Variants in AIMP1 observed in about 807,000 individuals in gnomAD.
AIMP1 encodes aminoacyl tRNA synthetase complex interacting multifunctional protein 1.
In AIMP1, 24 loss-of-function variants were observed where a neutral mutation model predicts 33.1. That is an observed-to-expected ratio of 0.73 (90% CI 0.53 to 1.02). The LOEUF (loss-of-function observed/expected upper bound fraction) is 1.02. AIMP1 is among the 50% of genes least tolerant of loss of function. The pLI is 0.00. For missense variants in AIMP1, 367 were observed against 364.8 expected, an observed-to-expected ratio of 1.01 and a Z score of -0.05; for synonymous variants, 120 against 121.5, an observed-to-expected ratio of 0.99 and a Z score of 0.08.
rs748432118 is a variant in AIMP1, at chr4:106,348,932, T to G, written c.*1240T>G. On this transcript the variant is annotated 3_prime_UTR_variant, in exon 7 of 7. Transcript: ENST00000672341. ...AAAACATTTTAGCATTATAGCTGTC[T>G]GAATCCTTCAATAAGAAGGAGAGGC... The G allele has an allele frequency of 1.3e-5, 2 of 152,072 alleles. No homozygotes were observed. The highest frequency in any genetic ancestry group is 6.6e-5 in the Admixed American group (1 of 15,250). The allele number at this position is 152,072 out of a possible 1,614,324, so 9.4% of individuals were successfully genotyped here.
chr4:106,344,177 G>C (rs1770205587), intron 6 of AIMP1, among the ~76,000 whole-genome samples: 1 of 152,124 alleles, frequency 6.6e-6, no homozygotes, highest in Admixed American at 6.5e-5. Flanking sequence ...TACCTCCTTA[G>C]ATTCTTACTG....
intron 6 of AIMP1, among the ~76,000 whole-genome samples, chr4:106,344,656 A>G (rs1382855394): frequency 6.6e-6 from 1 of 152,164 alleles, no homozygotes; most frequent in Admixed American, 6.6e-5. Flanking sequence ...GCTCAAAACT[A>G]TTCAGAAGCT....
Position 106,328,071 on chromosome 4 carries a change from C to G in AIMP1, c.224-5C>G, listed in dbSNP as rs747471910. 2 of 1,610,326 alleles carry G rather than the reference C, an allele frequency of 1.2e-6. No homozygotes were observed. The highest frequency in any genetic ancestry group is 1.1e-5 in the South Asian group (1 of 90,968). ...TGAATGACATTATTTCATTTTCTGT[C>G]TCAGTGAAGCAAATACCATTTCCAT... is the stretch of plus-strand genomic sequence containing the variant. On this transcript the variant is annotated splice_polypyrimidine_tract_variant and splice_region_variant and intron_variant, in intron 3 of 6. Transcript: ENST00000672341.
chr4:106,340,900 C>T (rs1362924459), intron 6 of AIMP1, among the ~76,000 whole-genome samples: 1 of 152,100 alleles, frequency 6.6e-6, no homozygotes, highest in Non-Finnish European at 1.5e-5. Flanking sequence ...ATTTGCATTC[C>T]CTTTTCTCTT....
chr4:106,332,006 G>A (rs1238583633), intron 5 of AIMP1, 123 bp downstream of exon 5: 4 of 947,982 alleles, frequency 4.2e-6, no homozygotes, highest in East Asian at 5.0e-5. Flanking sequence ...TAGTTCAGTC[G>A]ATTAGTTTGA....
rs989357884 is a variant in AIMP1 at position 106,345,524 on chromosome 4, C to G, written c.773-2002C>G. Among the ~76,000 whole-genome samples the G allele has an allele frequency of 8.6e-5, 13 of 152,026 alleles. 1 individual carries two copies. Among genetic ancestry groups the G allele is most frequent in the African/African-American group, 3.1e-4 (13 of 41,508 alleles). ...TATTTATGGTTATTTTTTTTCCATT[C>G]TATTTATTAGTTTCTCTATTGTCGA... On this transcript the variant is annotated intron_variant, in intron 6 of 6. Transcript: ENST00000672341.
At chr4:106,345,557 G>A (rs747317958) in intron 6 of AIMP1, among the ~76,000 whole-genome samples, 15 of 151,994 alleles carry the variant, frequency 9.9e-5, no homozygotes, top group African/African-American at 2.4e-4. Flanking sequence ...CGAATCAAAC[G>A]TCCTTAAAGG....
At chr4:106,332,435 A>G (rs1174756696) in intron 5 of AIMP1, among the ~76,000 whole-genome samples, 1 of 151,762 alleles carries the variant, frequency 6.6e-6, no homozygotes, top group Non-Finnish European at 1.5e-5. Context: ...TCCATGATGA[A>G]GCAGTGATAA....
rs1770363599 is a variant in AIMP1 at position 106,347,843 on chromosome 4, A to G, written c.*151A>G. The G allele has an allele frequency of 1.4e-6, 1 of 735,546 alleles. No homozygotes were observed. The highest frequency in any genetic ancestry group is 3.0e-5 in the East Asian group (1 of 32,846). 45.6% of individuals were successfully genotyped at this position (735,546 alleles called of 1,614,324 possible). A position where few individuals can be genotyped will look rare whatever the true frequency, so the allele number is the denominator to read the frequency against. Reference sequence around the variant, plus strand: ...CATTTACTTGGTATATATTGTTTTCATTGATTGGGGAAACACTAGATTTTT... The same window carrying G: ...CATTTACTTGGTATATATTGTTTTCGTTGATTGGGGAAACACTAGATTTTT... On this transcript the variant is annotated 3_prime_UTR_variant, in exon 7 of 7. Coordinates refer to ENST00000672341, the MANE Select transcript of AIMP1 (RefSeq NM_001142416.2).
At chr4:106,331,910 T>A in intron 5 of AIMP1, 27 bp downstream of exon 5, 2 of 1,593,986 alleles carry the variant, frequency 1.3e-6, no homozygotes, top group Non-Finnish European at 1.7e-6. Context: ...AAATTCCTGT[T>A]GTGTACATAC....
At position 106,349,414 on chromosome 4, in the gene AIMP1, A is replaced by G. The variant is rs1420976354; in HGVS notation, c.*1722A>G. On this transcript the variant is annotated 3_prime_UTR_variant, in exon 7 of 7. Coordinates refer to ENST00000672341, the MANE Select transcript of AIMP1 (RefSeq NM_001142416.2). The stretch of plus-strand genomic sequence containing the variant: ...AACTGATGATTAAATCGTTCATCAA[A>G]CCTAGAGATAATAAAAACTATTGGT... Among the ~76,000 whole-genome samples the G allele has an allele frequency of 1.3e-5, 2 of 152,062 alleles. No individual in the cohort carries two copies. The highest frequency in any genetic ancestry group is 6.6e-5 in the Admixed American group (1 of 15,248).
At chr4:106,345,794 A>G (rs1032206683) in intron 6 of AIMP1, among the ~76,000 whole-genome samples, 1 of 150,678 alleles carries the variant, frequency 6.6e-6, no homozygotes, top group Non-Finnish European at 1.5e-5. Context: ...TTATATGTAT[A>G]TGACTGGAAA....
intron 4 of AIMP1, 126 bp downstream of exon 4, chr4:106,328,369 G>A: frequency 8.4e-7 from 1 of 1,188,440 alleles, no homozygotes. Context: ...ATAAAATTAG[G>A]AACAATATGA....
intron 1 of AIMP1, among the ~76,000 whole-genome samples, chr4:106,323,948 A>C (rs936506450): frequency 2.6e-5 from 4 of 152,120 alleles, no homozygotes; most frequent in Non-Finnish European, 5.9e-5. Flanking sequence ...AAACAAGTAG[A>C]TTTAAGTATA....
In AIMP1 at chr4:106,325,477, CT is replaced by C. The variant is rs950664419; in HGVS notation, c.109+366del. Among the ~76,000 whole-genome samples, 89 of 151,686 alleles carry C rather than the reference CT, an allele frequency of 5.9e-4. 3 individuals carry two copies. The highest frequency in any genetic ancestry group is 1.7e-3 in the Admixed American group (26 of 15,252). On this transcript the variant is annotated intron_variant, in intron 2 of 6. Coordinates refer to ENST00000672341, the MANE Select transcript of AIMP1 (RefSeq NM_001142416.2). Reference sequence around the variant, plus strand: ...CTAATTTTAACATACCACTTTGTTTCTTTTTTTATAGTGTTTCTCGAGATTT... The same window carrying C: ...CTAATTTTAACATACCACTTTGTTTCTTTTTTATAGTGTTTCTCGAGATTT...
chr4:106,325,235 A>G, intron 2 of AIMP1, 117 bp downstream of exon 2: 2 of 971,558 alleles, frequency 2.1e-6, no homozygotes, highest in Non-Finnish European at 3.0e-6. Flanking sequence ...TTTCTGTTAT[A>G]TGTAGAAAAA....
rs912061257 is a variant in AIMP1 at position 106,332,193 on chromosome 4, A to T, written c.603+310A>T. Among the ~76,000 whole-genome samples the T allele has an allele frequency of 2.6e-5, 4 of 152,082 alleles. No individual in the cohort carries two copies. The South Asian group carries it at 6.2e-4, about 24-fold the overall frequency. ...AACTATTGGTGTGTATATATATATA[A>T]AATATATTTGAAATCTAAGTAACAA... On this transcript the variant is annotated intron_variant, in intron 5 of 6. Transcript: ENST00000672341.
intron 5 of AIMP1, among the ~76,000 whole-genome samples, chr4:106,333,615 G>C (rs182699984): frequency 6.6e-6 from 1 of 152,132 alleles, no homozygotes; most frequent in African/African-American, 2.4e-5. Flanking sequence ...ACCAGGGACT[G>C]TGCTTTGTGT....
rs1476790003 is a variant in AIMP1 at position 106,348,594 on chromosome 4, G to T, written c.*902G>T. 6.6e-6 allele frequency: 1 copy of T among 151,882 alleles called. No individual in the cohort carries two copies. Among genetic ancestry groups the T allele is most frequent in the Non-Finnish European group, 1.5e-5 (1 of 67,960 alleles). 9.4% of individuals were successfully genotyped at this position (151,882 alleles called of 1,614,324 possible). A position where few individuals can be genotyped will look rare whatever the true frequency, so the allele number is the denominator to read the frequency against. On this transcript the variant is annotated 3_prime_UTR_variant, in exon 7 of 7. Transcript: ENST00000672341. The stretch of plus-strand genomic sequence containing the variant: ...ACATATACCATACATATATATTAAG[G>T]TGTCAAATAGCTATTCTCACTCATC...
Sources: gnomAD v4.1 joint callset for allele counts (sites outside exome capture counted in the v4.1 genomes callset) on GRCh38, gnomAD v4.1.1 for gene constraint, MANE v1.5 for transcripts, NCBI Gene and HGNC (gene_info 2026-07-23, HGNC 2026-07-21) for gene names.